GTF3C6: variants seen among roughly 807,000 people sequenced by gnomAD.
The protein encoded by GTF3C6 is general transcription factor IIIC subunit 6.
GTF3C6 carries 11 observed loss-of-function variants against 19.2 expected under a neutral mutation model. The observed-to-expected ratio is 0.57, with a 90% CI of 0.36 to 0.95. The LOEUF (loss-of-function observed/expected upper bound fraction) is 0.95, where lower values mean the gene tolerates loss of function less well. Ranked by LOEUF, GTF3C6 falls within the 40% of genes least tolerant of loss-of-function variation. GTF3C6 has a pLI of 0.01. For synonymous variants in GTF3C6, 87 were observed against 84.2 expected (o/e 1.03, Z -0.18); for missense variants, 222 against 254.7 (o/e 0.87, Z 0.87).
Position 110,967,709 on chromosome 6 carries a change from A to G in GTF3C6, c.561A>G (p.Glu187=), listed in dbSNP as rs778230580. The part of the protein sequence containing the change: ...SCEQEKPMHL[E]IEDSGPLIDI... ...AACAGGAGAAACCAATGCACTTGGAAATAGAAGATTCTGGTCCTCTTATTG... is the reference window on the plus strand; with the variant it reads ...AACAGGAGAAACCAATGCACTTGGAGATAGAAGATTCTGGTCCTCTTATTG... The change falls in exon 6 of 6, where the codon GAA becomes GAG. Residue 187 remains glutamate (E), a synonymous_variant. Transcript: ENST00000329970. 6 of 1,614,062 alleles carry G rather than the reference A, an allele frequency of 3.7e-6. No individual in the cohort carries two copies. In the South Asian group the frequency reaches 6.6e-5, roughly 18 times the overall value.
At chr6:110,960,665 T>C in intron 4 of GTF3C6, 49 bp downstream of exon 4, 13 of 1,322,716 alleles carry the variant, frequency 9.8e-6, no homozygotes, top group Non-Finnish European at 1.4e-5. Context: ...ATTTCAATCA[T>C]ACTTAAGCAT....
chr6:110,962,398 C>T lies in GTF3C6; in HGVS notation c.254C>T (p.Thr85Ile). Residue 85 changes from threonine to isoleucine, a missense_variant, in exon 5 of 6, where the codon ACA (threonine) becomes ATA (isoleucine). Coordinates refer to ENST00000329970, the MANE Select transcript of GTF3C6 (RefSeq NM_138408.4). ...IFEENVEHADTEGNNKTVLKY... is the reference protein window; with the variant it reads ...IFEENVEHADIEGNNKTVLKY... ...TTGTTCATTTCTGTTCCAGCTGATA[C>T]AGAAGGCAATAATAAAACAGTGCTA... 1 of 1,555,444 alleles carries T rather than the reference C, an allele frequency of 6.4e-7. No individual in the cohort carries two copies. The highest frequency in any genetic ancestry group is 1.7e-4 in the Middle Eastern group (1 of 5,950).
chr6:110,962,978 A>G (rs1282222154), intron 5 of GTF3C6, among the ~76,000 whole-genome samples: 1 of 151,992 alleles, frequency 6.6e-6, no homozygotes, highest in Non-Finnish European at 1.5e-5. Flanking sequence ...GGGGTTTTAC[A>G]GTGTTGGCCA....
chr6:110,961,680 A>AGGGACAGG (rs1771162544), intron 4 of GTF3C6, among the ~76,000 whole-genome samples: 1 of 151,790 alleles, frequency 6.6e-6, no homozygotes, highest in African/African-American at 2.4e-5. Context: ...GAATGTCCCT[A>AGGGACAGG]CTCCATACTT....
At chr6:110,960,349 A>G in intron 2 of GTF3C6, 65 bp from the exon 3 acceptor site, 1 of 1,387,250 alleles carries the variant, frequency 7.2e-7, no homozygotes, top group Non-Finnish European at 9.9e-7. Context: ...CTTGGTAGCA[A>G]GGTTACAATG....
intron 5 of GTF3C6, among the ~76,000 whole-genome samples, chr6:110,967,249 A>T (rs2114262157): frequency 6.6e-6 from 1 of 152,288 alleles, no homozygotes; most frequent in East Asian, 1.9e-4. Context: ...CTGAGAACTG[A>T]ACTCTGGAAA....
chr6:110,959,502 C>G (rs1771130697), intron 2 of GTF3C6, among the ~76,000 whole-genome samples: 1 of 151,994 alleles, frequency 6.6e-6, no homozygotes, highest in Admixed American at 6.6e-5. Flanking sequence ...GAATGTGTGG[C>G]TGAAGAGAAA....
At chr6:110,966,100 T>C (rs928883249) in intron 5 of GTF3C6, among the ~76,000 whole-genome samples, 2 of 152,184 alleles carry the variant, frequency 1.3e-5, no homozygotes, top group Non-Finnish European at 2.9e-5. Context: ...CCTCCTGATA[T>C]GGCAGCTGGC....
chr6:110,959,383 A>G, intron 2 of GTF3C6, 131 bp downstream of exon 2: 1 of 626,662 alleles, frequency 1.6e-6, no homozygotes, highest in Non-Finnish European at 2.8e-6. Flanking sequence ...TCTAAGGATA[A>G]GAAGTATACT....
Position 110,959,237 on chromosome 6 carries a change from T to C in GTF3C6, c.123T>C (p.Asn41=), listed in dbSNP as rs745622702. ...IDSDFLSKCE[N]KCKVLGIDTE... ...CAGACTTCCTCTCAAAATGTGAAAA[T>C]AAATGCAAGGTTTTGGTGAGTTTTC... The change falls in exon 2 of 6, where the codon AAT becomes AAC. Residue 41 remains asparagine, a synonymous_variant. Coordinates refer to ENST00000329970, the MANE Select transcript of GTF3C6 (RefSeq NM_138408.4). The C allele has an allele frequency of 3.1e-6, 5 of 1,608,502 alleles. No homozygotes were observed. The Admixed American group carries it at 6.7e-5, about 21-fold the overall frequency.
At chr6:110,964,266 A>G in intron 5 of GTF3C6, among the ~76,000 whole-genome samples, 1 of 150,762 alleles carries the variant, frequency 6.6e-6, no homozygotes. Flanking sequence ...TTTTTTTGAG[A>G]TGGAGTTTCA....
chr6:110,959,324 C>A, intron 2 of GTF3C6, 72 bp downstream of exon 2: 3 of 892,400 alleles, frequency 3.4e-6, no homozygotes, highest in Non-Finnish European at 5.6e-6. Flanking sequence ...TGGTGAAATA[C>A]CTATCCGCAA....
At position 110,958,827 on chromosome 6, in the gene GTF3C6, GT is replaced by G; in HGVS notation, c.57+2del. ...GGACGGAGAAGACGAGGAAGAGGAG[GT>G]AGTAAGCGCTACGCCAAAAGCCTGC... On this transcript the variant is annotated splice_donor_variant, in intron 1 of 5. Coordinates refer to ENST00000329970, the MANE Select transcript of GTF3C6 (RefSeq NM_138408.4). LOFTEE classifies it high-confidence loss of function. 1 of 1,551,184 alleles carries G rather than the reference GT, an allele frequency of 6.4e-7. No homozygotes were observed. The highest frequency in any genetic ancestry group is 8.7e-7 in the Non-Finnish European group (1 of 1,146,904).
chr6:110,965,076 C>T (rs906314592), intron 5 of GTF3C6, among the ~76,000 whole-genome samples: 3 of 151,384 alleles, frequency 2.0e-5, no homozygotes, highest in Non-Finnish European at 2.9e-5. Context: ...TCAAGTGATC[C>T]GCCCACCTCA....
intron 1 of GTF3C6, 96 bp from the exon 2 acceptor site, chr6:110,959,076 C>T (rs1771124157): frequency 4.2e-6 from 4 of 960,766 alleles, no homozygotes; most frequent in Non-Finnish European, 6.7e-6. Context: ...AAACAGGGTC[C>T]GGTTTTCACA....
chr6:110,964,559 C>G (rs12199281), intron 5 of GTF3C6, among the ~76,000 whole-genome samples: 5 of 152,000 alleles, frequency 3.3e-5, no homozygotes, highest in African/African-American at 9.7e-5. Context: ...TTAGTAGAGA[C>G]GGAGTCTCAC....
intron 4 of GTF3C6, 101 bp downstream of exon 4, chr6:110,960,717 C>G: frequency 3.1e-6 from 3 of 956,820 alleles, no homozygotes; most frequent in Middle Eastern, 2.2e-4. Flanking sequence ...GTATCATATC[C>G]TATCATTTTC....
chr6:110,959,091 T>G, intron 1 of GTF3C6, 81 bp from the exon 2 acceptor site: 1 of 1,052,818 alleles, frequency 9.5e-7, no homozygotes, highest in Non-Finnish European at 1.5e-6. Context: ...TTCACAAATG[T>G]GGGAAATTTG....
chr6:110,964,536 A>G (rs5025089), intron 5 of GTF3C6, among the ~76,000 whole-genome samples: 37,637 of 152,042 alleles, frequency 0.25, 5,382 homozygotes, highest in East Asian at 0.65. Context: ...TGCTGCACCC[A>G]GCCTTTGTAT....
Sources: gnomAD v4.1 joint callset for allele counts (sites outside exome capture counted in the v4.1 genomes callset) on GRCh38, gnomAD v4.1.1 for gene constraint, MANE v1.5 for transcripts, NCBI Gene and HGNC (gene_info 2026-07-23, HGNC 2026-07-21) for gene names.